The following CHTF8 variants were observed in gnomAD, a reference collection of about 807,000 sequenced individuals.
CHTF8 encodes chromosome transmission fidelity protein 8 homolog.
A neutral mutation model predicts 11.0 loss-of-function variants in CHTF8; 6 were observed. That is an observed-to-expected ratio of 0.55 (90% confidence interval 0.30 to 1.08). The LOEUF is 1.08. Among genes scored for constraint, CHTF8 ranks in the 50% least tolerant of loss-of-function variants. The pLI is 0.07. For missense variants in CHTF8, 140 were observed against 153.1 expected (o/e 0.91, Z 0.45); for synonymous variants, 53 against 60.5 (o/e 0.88, Z 0.57).
rs940680793 is a variant in CHTF8, at chr16:69,132,551, T to TCGC, written c.-106_-104dup. 6.6e-5 allele frequency: 24 copies of TCGC among 364,544 alleles called. No homozygotes were observed. Among genetic ancestry groups the TCGC allele is most frequent in the Middle Eastern group, 6.2e-4 (1 of 1,620 alleles). 22.6% of individuals were successfully genotyped at this position (364,544 alleles called of 1,614,324 possible). On this transcript the variant is annotated 5_prime_UTR_variant, in exon 1 of 4. Coordinates refer to ENST00000448552, the MANE Select transcript of CHTF8 (RefSeq NM_001039690.5). ...GCGACAACCGAACCTCCCGCCGCCGTCGCCGCCGCCGCGAGCACTGCCTGC... is the reference window on the plus strand; with the variant it reads ...GCGACAACCGAACCTCCCGCCGCCGTCGCCGCCGCCGCCGCGAGCACTGCCTGC...
At position 69,119,666 on chromosome 16, in the gene CHTF8, C is replaced by A; in HGVS notation, c.*759G>T. 1 of 674,572 alleles carries A rather than the reference C, an allele frequency of 1.5e-6. No individual in the cohort carries two copies. Among genetic ancestry groups the A allele is most frequent in the Non-Finnish European group, 2.7e-6 (1 of 369,872 alleles). 41.8% of individuals were successfully genotyped at this position (674,572 alleles called of 1,614,324 possible). A position where few individuals can be genotyped will look rare whatever the true frequency, so the allele number is the denominator to read the frequency against. On this transcript the variant is annotated 3_prime_UTR_variant, in exon 4 of 4. Coordinates refer to ENST00000448552, the MANE Select transcript of CHTF8 (RefSeq NM_001039690.5). ...AGACCAGATCCTGTGCCCAAGAGGC[C>A]ACCTGCTCTGGCATCTAGATTAGGG... is the stretch of plus-strand genomic sequence containing the variant.
intron 1 of CHTF8, among the ~76,000 whole-genome samples, chr16:69,124,082 C>G (rs1961883738): frequency 6.6e-6 from 1 of 150,718 alleles, no homozygotes; most frequent in African/African-American, 2.4e-5. Flanking sequence ...CCAGTCTACA[C>G]AGAAGAGCAA....
chr16:69,123,776 AAT>A (rs1278550562), intron 1 of CHTF8, among the ~76,000 whole-genome samples: 2 of 152,242 alleles, frequency 1.3e-5, no homozygotes, highest in Admixed American at 6.5e-5. Flanking sequence ...TAGATATGAA[AAT>A]ATCTTAGATA....
intron 1 of CHTF8, among the ~76,000 whole-genome samples, chr16:69,128,312 G>A (rs1962235753): frequency 6.6e-6 from 1 of 152,198 alleles, no homozygotes; most frequent in Non-Finnish European, 1.5e-5. Flanking sequence ...TAACTGCAGA[G>A]CCAGGGAGAG....
chr16:69,127,303 C>CA (rs1177536497), intron 1 of CHTF8, among the ~76,000 whole-genome samples: 3 of 149,544 alleles, frequency 2.0e-5, no homozygotes, highest in Non-Finnish European at 3.0e-5. Context: ...TGAGAGTAGA[C>CA]AGAGTGAGTA....
intron 1 of CHTF8, among the ~76,000 whole-genome samples, chr16:69,121,964 C>T (rs936148994): frequency 4.0e-5 from 6 of 149,394 alleles, no homozygotes; most frequent in Admixed American, 6.7e-5. Flanking sequence ...CCACCGCGCC[C>T]GGCCCTAGAG....
At chr16:69,129,346 C>T (rs1192800936) in intron 1 of CHTF8, among the ~76,000 whole-genome samples, 3 of 144,138 alleles carry the variant, frequency 2.1e-5, no homozygotes, top group African/African-American at 7.7e-5. Flanking sequence ...AGGAGAATGG[C>T]GTGAACCCAG....
intron 1 of CHTF8, among the ~76,000 whole-genome samples, chr16:69,129,388 C>T (rs1962324360): frequency 6.8e-6 from 1 of 147,326 alleles, no homozygotes; most frequent in South Asian, 2.2e-4. Context: ...CGACATCACG[C>T]CACTGCACTC....
chr16:69,124,174 T>C (rs74025373), intron 1 of CHTF8, among the ~76,000 whole-genome samples: 17 of 151,974 alleles, frequency 1.1e-4, no homozygotes, highest in African/African-American at 4.1e-4. Context: ...GGTGGCAAAC[T>C]TGGAGTACTT....
At chr16:69,124,453 T>C (rs1359946552) in intron 1 of CHTF8, among the ~76,000 whole-genome samples, 1 of 152,304 alleles carries the variant, frequency 6.6e-6, no homozygotes, top group East Asian at 1.9e-4. Context: ...AGATGGACTC[T>C]CACTCTGTTG....
chr16:69,122,663 C>A (rs1330499977), intron 1 of CHTF8, among the ~76,000 whole-genome samples: 40 of 152,036 alleles, frequency 2.6e-4, no homozygotes, highest in Admixed American at 2.6e-3. Flanking sequence ...GCTTCAGCCT[C>A]CCGAGCAGCT....
In CHTF8 at chr16:69,119,923, G is replaced by A. The variant is rs1056360856; in HGVS notation, c.*502C>T. The A allele has an allele frequency of 1.4e-6, 1 of 702,602 alleles. No individual in the cohort carries two copies. The highest frequency in any genetic ancestry group is 2.0e-5 in the Admixed American group (1 of 50,026). 43.5% of individuals were successfully genotyped at this position (702,602 alleles called of 1,614,324 possible). A position where few individuals can be genotyped will look rare whatever the true frequency, so the allele number is the denominator to read the frequency against. ...CATGGGACCACCACCTCTGGGGTCA[G>A]GACCTGCTCCCAGGAGACCACCTGC... On this transcript the variant is annotated 3_prime_UTR_variant, in exon 4 of 4. Coordinates refer to ENST00000448552, the MANE Select transcript of CHTF8 (RefSeq NM_001039690.5).
Position 69,121,183 on chromosome 16 carries a change from G to A in CHTF8, c.24-13C>T. ...TCCAGCCCTCGCACTGCAAGCAAAG[G>A]GCTGGCGGTTACAATATTTTTGAGG... On this transcript the variant is annotated splice_polypyrimidine_tract_variant and intron_variant, in intron 2 of 3. Transcript: ENST00000448552. The A allele has an allele frequency of 1.2e-6, 2 of 1,607,396 alleles. No individual in the cohort carries two copies. Among genetic ancestry groups the A allele is most frequent in the Non-Finnish European group, 1.7e-6 (2 of 1,175,526 alleles).
intron 1 of CHTF8, among the ~76,000 whole-genome samples, chr16:69,122,518 G>A (rs1567590222): frequency 6.6e-6 from 1 of 150,992 alleles, no homozygotes; most frequent in Non-Finnish European, 1.5e-5. Context: ...GATTACAGGT[G>A]CATGTCACCA....
intron 1 of CHTF8, among the ~76,000 whole-genome samples, chr16:69,125,040 G>C (rs575000232): frequency 8.5e-5 from 13 of 152,234 alleles, no homozygotes; most frequent in African/African-American, 3.1e-4. Flanking sequence ...GAGTAGCTAG[G>C]ATTATAGGCA....
At chr16:69,127,782 G>A (rs948545973) in intron 1 of CHTF8, among the ~76,000 whole-genome samples, 2 of 151,658 alleles carry the variant, frequency 1.3e-5, no homozygotes, top group South Asian at 4.2e-4. Flanking sequence ...GCAACTTTTT[G>A]TATTTTTAGT....
chr16:69,130,609 G>C (rs1962427955), intron 1 of CHTF8, among the ~76,000 whole-genome samples: 1 of 152,078 alleles, frequency 6.6e-6, no homozygotes, highest in South Asian at 2.1e-4. Context: ...CAATACACTG[G>C]GCATAAACAC....
rs745414540 is a variant in CHTF8, at chr16:69,120,494, G to A, written c.297C>T (p.Leu99=). ...ETGTRYLVTA[L]IKDKILFKTR... The stretch of plus-strand genomic sequence containing the variant: ...TTTTGAAAAGGATCTTGTCTTTGAT[G>A]AGTGCTGTCACCAGGTACCGGGTGC... Residue 99 remains leucine, a synonymous_variant, in exon 4 of 4, where the codon CTC becomes CTT. Transcript: ENST00000448552. This position sits in a 1 kb window ranked among gnomAD's most constrained non-coding sequence, Gnocchi z 4.0. The A allele has an allele frequency of 2.3e-5, 37 of 1,614,004 alleles. No individual in the cohort carries two copies. Among genetic ancestry groups the A allele is most frequent in the Middle Eastern group, 3.3e-4 (2 of 6,084 alleles).
Position 69,119,225 on chromosome 16 carries a change from C to T in CHTF8, c.*1200G>A, listed in dbSNP as rs1961421829. ...GGGTTGGGGCCAAGTGGCCCAGAGG[C>T]TCTTGGGAAAATGGTTGGATTTGAG... On this transcript the variant is annotated 3_prime_UTR_variant, in exon 4 of 4. Transcript: ENST00000448552. 8.5e-6 allele frequency: 6 copies of T among 702,976 alleles called. No individual in the cohort carries two copies. The highest frequency in any genetic ancestry group is 3.0e-5 in the South Asian group (2 of 67,590). The allele number at this position is 702,976 out of a possible 1,614,324, so 43.5% of individuals were successfully genotyped here. A position where few individuals can be genotyped will look rare whatever the true frequency, so the allele number is the denominator to read the frequency against.
Sources: allele counts gnomAD v4.1 joint callset (sites outside exome capture counted in the v4.1 genomes callset), GRCh38; gene constraint gnomAD v4.1.1; non-coding constraint Gnocchi (gnomAD v3.1); transcripts MANE v1.5; gene names NCBI Gene and HGNC (gene_info 2026-07-23, HGNC 2026-07-21).